TTLL5: variants seen among roughly 807,000 people sequenced by gnomAD.
The protein encoded by TTLL5 is tubulin tyrosine ligase like 5, also known as tubulin polyglutamylase TTLL5.
Under a neutral mutation model 168.4 loss-of-function variants are expected in TTLL5, and 132 were observed. That is an observed-to-expected ratio of 0.78 (90% CI 0.68 to 0.91). The LOEUF is 0.91. Ranked by LOEUF, TTLL5 falls within the 40% of genes least tolerant of loss-of-function variation. The pLI is 0.00. For missense variants in TTLL5, 1,545 were observed against 1,581.5 expected, an observed-to-expected ratio of 0.98 and a Z score of 0.39; for synonymous variants, 546 against 558.6, an observed-to-expected ratio of 0.98 and a Z score of 0.32.
In TTLL5 at chr14:75,681,627, A is replaced by G. The variant is rs765479385; in HGVS notation, c.264A>G (p.Glu88=). The part of the protein sequence containing the change: ...RSILTAHGFH[E]VHPSSTDYNL... ...TTCTGACAGCCCATGGATTTCATGA[A>G]GTAAGTTTATTTTTAATACCTCACC... The change falls in exon 4 of 32, where the codon GAA becomes GAG. Residue 88 remains glutamate (E), a splice_region_variant and synonymous_variant. Coordinates refer to ENST00000298832, the MANE Select transcript of TTLL5 (RefSeq NM_015072.5). 26 of 1,612,706 alleles carry G rather than the reference A, an allele frequency of 1.6e-5. No individual in the cohort carries two copies. Among genetic ancestry groups the G allele is most frequent in the Non-Finnish European group, 2.1e-5 (25 of 1,179,654 alleles).
chr14:75,705,742 C>A (rs1425197229), intron 7 of TTLL5, among the ~76,000 whole-genome samples: 1 of 152,168 alleles, frequency 6.6e-6, no homozygotes, highest in Non-Finnish European at 1.5e-5. Context: ...ATTTCTGTTG[C>A]CTTTACTGTA....
At chr14:75,777,975 T>TAA (rs201797480) in intron 23 of TTLL5, among the ~76,000 whole-genome samples, 2 of 141,708 alleles carry the variant, frequency 1.4e-5, no homozygotes, top group African/African-American at 2.6e-5. Flanking sequence ...AGAAAAGGAT[T>TAA]AAAAAAAAAA....
intron 26 of TTLL5, among the ~76,000 whole-genome samples, chr14:75,789,668 G>GAAGTTTTAT (rs1466566851): frequency 1.3e-5 from 2 of 152,072 alleles, no homozygotes; most frequent in African/African-American, 2.4e-5. Flanking sequence ...GAAAGGAAAG[G>GAAGTTTTAT]AAGTTTTATA....
At chr14:75,667,135 G>T (rs536286286) in intron 2 of TTLL5, among the ~76,000 whole-genome samples, 2 of 152,078 alleles carry the variant, frequency 1.3e-5, no homozygotes, top group South Asian at 2.1e-4. Context: ...GAAATGAAAA[G>T]ATTTCTCTGT....
At chr14:75,852,454 A>G (rs1896910797) in intron 28 of TTLL5, among the ~76,000 whole-genome samples, 1 of 152,076 alleles carries the variant, frequency 6.6e-6, no homozygotes, top group Non-Finnish European at 1.5e-5. Context: ...TGCACTTACA[A>G]TTTCGTGTAG....
At chr14:75,942,632 T>C (rs1450992253) in intron 31 of TTLL5, among the ~76,000 whole-genome samples, 2 of 152,232 alleles carry the variant, frequency 1.3e-5, no homozygotes, top group Admixed American at 1.3e-4. Context: ...GTGAATCTGC[T>C]CTTGGCTTCA....
chr14:75,707,711 A>T lies in TTLL5; in HGVS notation c.740+4A>T. On this transcript the variant is annotated splice_donor_region_variant and intron_variant, in intron 9 of 31. Coordinates refer to ENST00000298832, the MANE Select transcript of TTLL5 (RefSeq NM_015072.5). ...TCTATGAAGAAGGATTGGCTAGGTA[A>T]GAAGCTGTTTGGGGGTGAAGGGGTT... The T allele has an allele frequency of 6.4e-7, 1 of 1,566,870 alleles. No individual in the cohort carries two copies. The highest frequency in any genetic ancestry group is 8.7e-7 in the Non-Finnish European group (1 of 1,143,014).
rs373355067 is a variant in TTLL5 at position 75,744,814 on chromosome 14, A to G, written c.1282-281A>G. On this transcript the variant is annotated intron_variant, in intron 15 of 31. Transcript: ENST00000298832. ...AAAACCAAGGTTTGGGTTAAATACT[A>G]GCTTAGAAAGTCACGTGGACCTCAT... is the stretch of plus-strand genomic sequence containing the variant. 220 of 213,266 alleles carry G rather than the reference A, an allele frequency of 1.0e-3. 1 individual carries two copies. The highest frequency in any genetic ancestry group is 1.6e-3 in the Non-Finnish European group (172 of 105,016). 13.2% of individuals were successfully genotyped at this position (213,266 alleles called of 1,614,324 possible).
chr14:75,950,834 G>A (rs903146567), intron 31 of TTLL5, among the ~76,000 whole-genome samples: 1 of 152,036 alleles, frequency 6.6e-6, no homozygotes, highest in African/African-American at 2.4e-5. Flanking sequence ...CAAACCTGGT[G>A]GCACACGCCT....
chr14:75,864,242 C>T (rs1028550704), intron 29 of TTLL5, among the ~76,000 whole-genome samples: 3 of 152,208 alleles, frequency 2.0e-5, no homozygotes, highest in Non-Finnish European at 4.4e-5. Flanking sequence ...GTTCTACTTT[C>T]TTGCCTTGAT....
At chr14:75,952,054 A>G (rs2034977210) in intron 31 of TTLL5, among the ~76,000 whole-genome samples, 1 of 152,240 alleles carries the variant, frequency 6.6e-6, no homozygotes, top group African/African-American at 2.4e-5. Context: ...AGGGACTTGT[A>G]TCTAAAATAC....
intron 18 of TTLL5, among the ~76,000 whole-genome samples, chr14:75,755,128 G>A (rs975702606): frequency 6.6e-6 from 1 of 152,068 alleles, no homozygotes; most frequent in Non-Finnish European, 1.5e-5. Flanking sequence ...GCCAGGCTTG[G>A]TGGCGCATGC....
At chr14:75,736,378 T>C (rs182102697) in intron 15 of TTLL5, among the ~76,000 whole-genome samples, 1 of 152,054 alleles carries the variant, frequency 6.6e-6, no homozygotes, top group African/African-American at 2.4e-5. Context: ...CCATATACTA[T>C]TATTTATTCA....
At chr14:75,816,492 A>G (rs949956637) in intron 27 of TTLL5, among the ~76,000 whole-genome samples, 1 of 152,200 alleles carries the variant, frequency 6.6e-6, no homozygotes, top group African/African-American at 2.4e-5. Flanking sequence ...GATGCATATG[A>G]TGATGTTTAA....
intron 18 of TTLL5, among the ~76,000 whole-genome samples, chr14:75,756,779 A>G (rs1333855834): frequency 6.6e-6 from 1 of 152,210 alleles, no homozygotes; most frequent in Non-Finnish European, 1.5e-5. Context: ...AAGTGCTAGA[A>G]TTACAGGCAT....
chr14:75,729,569 T>C (rs1463231297), intron 12 of TTLL5, among the ~76,000 whole-genome samples: 7 of 152,112 alleles, frequency 4.6e-5, no homozygotes, highest in Admixed American at 4.6e-4. Flanking sequence ...TTCCACCCCA[T>C]TCCCCCCACC....
intron 27 of TTLL5, among the ~76,000 whole-genome samples, chr14:75,810,433 T>G (rs1893925013): frequency 6.6e-6 from 1 of 152,132 alleles, no homozygotes; most frequent in South Asian, 2.1e-4. Context: ...AGTGGTGTGA[T>G]TATGGTTCAC....
At chr14:75,760,476 A>G (rs1165325052) in intron 18 of TTLL5, among the ~76,000 whole-genome samples, 1 of 152,038 alleles carries the variant, frequency 6.6e-6, no homozygotes, top group Non-Finnish European at 1.5e-5. Flanking sequence ...TTTTAAAAGG[A>G]ACAGACCAAC....
chr14:75,768,740 AT>A (rs1891108963), intron 20 of TTLL5, among the ~76,000 whole-genome samples: 1 of 152,192 alleles, frequency 6.6e-6, no homozygotes, highest in South Asian at 2.1e-4. Context: ...GATAGTCTTT[AT>A]TTCTAAATTA....
Sources: allele counts gnomAD v4.1 joint callset (sites outside exome capture counted in the v4.1 genomes callset), GRCh38; gene constraint gnomAD v4.1.1; transcripts MANE v1.5; gene names NCBI Gene and HGNC (gene_info 2026-07-23, HGNC 2026-07-21).